WIPI2: variants seen among roughly 807,000 people sequenced by gnomAD.
WIPI2 encodes WD repeat domain, phosphoinositide interacting 2.
WIPI2 carries 28 observed loss-of-function variants against 52.3 expected under a neutral mutation model. The observed-to-expected ratio is 0.54, with a 90% CI of 0.40 to 0.73. WIPI2 has a LOEUF of 0.73. Ranked by LOEUF, WIPI2 falls within the 30% of genes least tolerant of loss-of-function variation. The pLI, the probability that WIPI2 is intolerant of heterozygous loss-of-function variation, is 0.00. For synonymous variants in WIPI2, 268 were observed against 245.0 expected (o/e 1.09, Z -0.88); for missense variants, 506 against 602.9 (o/e 0.84, Z 1.68).
chr7:5,202,718 G>C (rs1782089566), intron 3 of WIPI2, among the ~76,000 whole-genome samples: 1 of 152,152 alleles, frequency 6.6e-6, no homozygotes, highest in Admixed American at 6.5e-5. Flanking sequence ...TTACAGGCGT[G>C]AGCCACCGCG....
chr7:5,231,989 T>C lies in WIPI2; in HGVS notation c.*1042T>C. ...TTAGAAAATTTCCTCAGCAAACCGA[T>C]GAGAGATTGTGGTTGCAAGCTTCAG... On this transcript the variant is annotated 3_prime_UTR_variant, in exon 13 of 13. Coordinates refer to ENST00000288828, the MANE Select transcript of WIPI2 (RefSeq NM_015610.4). 1 of 393,828 alleles carries C rather than the reference T, an allele frequency of 2.5e-6. No homozygotes were observed. Among genetic ancestry groups the C allele is most frequent in the Non-Finnish European group, 4.5e-6 (1 of 223,822 alleles). 24.4% of individuals were successfully genotyped at this position (393,828 alleles called of 1,614,324 possible). A position where few individuals can be genotyped will look rare whatever the true frequency, so the allele number is the denominator to read the frequency against.
chr7:5,216,659 G>C lies in WIPI2; in HGVS notation c.478G>C (p.Gly160Arg). The change falls in exon 5 of 13, where the codon GGC (glycine) becomes CGC (arginine). Residue 160 changes from glycine (G) to arginine (R), a missense_variant and splice_region_variant. Gly to Arg is a moderately radical substitution (Grantham distance 125). Coordinates refer to ENST00000288828, the MANE Select transcript of WIPI2 (RefSeq NM_015610.4). ...TIRETPPNPA[G>R]LCALSINNDN... ...CAGGGAGACGCCTCCAAACCCTGCA[G>C]GTGAGCTAACTTGTGAGGAGAGAAT... 6.2e-7 allele frequency: 1 copy of C among 1,614,072 alleles called. No homozygotes were observed. Among genetic ancestry groups the C allele is most frequent in the Non-Finnish European group, 8.5e-7 (1 of 1,179,932 alleles).
intron 4 of WIPI2, among the ~76,000 whole-genome samples, chr7:5,215,251 C>A (rs907437428): frequency 9.9e-6 from 1 of 101,328 alleles, no homozygotes; most frequent in Non-Finnish European, 2.0e-5. Flanking sequence ...TCGGAAGTTG[C>A]AGTGAGCCAA....
In WIPI2 at chr7:5,190,537, C is replaced by T. The variant is rs753906784; in HGVS notation, c.74+44C>T. 3.1e-5 allele frequency: 44 copies of T among 1,435,110 alleles called. 1 individual carries two copies. In the Middle Eastern group the frequency reaches 1.3e-3, roughly 41 times the overall value. 88.9% of individuals were successfully genotyped at this position (1,435,110 alleles called of 1,614,324 possible). On this transcript the variant is annotated intron_variant, in intron 1 of 12. Transcript: ENST00000288828. ...GTCGGAGTCGGGGTGAGGCCAGGGT[C>T]GGACCCGGGCTAGGGGGAGGGCCTC...
chr7:5,217,606 C>G, intron 6 of WIPI2: 1 of 427,674 alleles, frequency 2.3e-6, no homozygotes, highest in Non-Finnish European at 4.4e-6. Flanking sequence ...CCACTGCTCT[C>G]TTCTCAGTAG....
At chr7:5,204,886 G>A (rs1782215388) in intron 3 of WIPI2, among the ~76,000 whole-genome samples, 1 of 152,172 alleles carries the variant, frequency 6.6e-6, no homozygotes, top group African/African-American at 2.4e-5. Context: ...GTGTTGCCAA[G>A]GCTGGTCTTG....
intron 5 of WIPI2, 146 bp downstream of exon 5, chr7:5,216,805 A>G (rs1343760552): frequency 5.1e-6 from 4 of 791,846 alleles, no homozygotes; most frequent in African/African-American, 1.7e-5. Flanking sequence ...CTGCCTTCCT[A>G]CTGATGCTGG....
chr7:5,201,960 G>C (rs199824212), intron 3 of WIPI2, among the ~76,000 whole-genome samples: 1 of 149,312 alleles, frequency 6.7e-6, no homozygotes, highest in African/African-American at 2.5e-5. Flanking sequence ...TTTTTTTTTA[G>C]TAGATAAGAG....
intron 7 of WIPI2, among the ~76,000 whole-genome samples, chr7:5,221,436 G>A (rs895837555): frequency 6.6e-6 from 1 of 152,126 alleles, no homozygotes; most frequent in South Asian, 2.1e-4. Context: ...TGTATAGTAG[G>A]AGGGTGAATG....
chr7:5,227,171 T>G lies in WIPI2; in HGVS notation c.849-9T>G. On this transcript the variant is annotated splice_polypyrimidine_tract_variant and intron_variant, in intron 9 of 12. Coordinates refer to ENST00000288828, the MANE Select transcript of WIPI2 (RefSeq NM_015610.4). The surrounding 1 kb of genome is among the most constrained non-coding windows in gnomAD (Gnocchi z 8.1). ...GCAGCTTCATGTGTCTGGTGGCCTT[T>G]CCTTCCAGACCCCCAGAGGAGCCCA... The G allele has an allele frequency of 6.2e-7, 1 of 1,613,656 alleles. No individual in the cohort carries two copies. The highest frequency in any genetic ancestry group is 8.5e-7 in the Non-Finnish European group (1 of 1,179,956).
At chr7:5,214,177 G>A in intron 3 of WIPI2, 1 of 998,428 alleles carries the variant, frequency 1.0e-6, no homozygotes, top group Non-Finnish European at 1.3e-6. Flanking sequence ...CAGTTTCGTA[G>A]TAGTTTGTGT....
chr7:5,207,066 C>G (rs1034547663), intron 3 of WIPI2, among the ~76,000 whole-genome samples: 1 of 149,978 alleles, frequency 6.7e-6, no homozygotes, highest in Non-Finnish European at 1.5e-5. Context: ...AACCACCACA[C>G]CTGGCTTTAT....
intron 4 of WIPI2, 100 bp from the exon 5 acceptor site, chr7:5,216,463 A>T (rs1782817688): frequency 1.1e-6 from 1 of 908,440 alleles, no homozygotes; most frequent in Admixed American, 2.1e-5. Context: ...CAATAGAAGG[A>T]ATGAGAGCGT....
Position 5,230,858 on chromosome 7 carries a change from G to A in WIPI2, c.1276G>A (p.Val426Met). 1 of 1,613,848 alleles carries A rather than the reference G, an allele frequency of 6.2e-7. No homozygotes were observed. Among genetic ancestry groups the A allele is most frequent in the Non-Finnish European group, 8.5e-7 (1 of 1,179,896 alleles). Residue 426 changes from valine (V) to methionine (M), a missense_variant, in exon 13 of 13, where the codon GTG becomes ATG. Val to Met is a conservative substitution (Grantham distance 21, BLOSUM62 1). This residue lies in a region of WIPI2 where 194 missense variants were observed against 175.1 expected (regional missense o/e 1.11). Transcript: ENST00000288828. The surrounding 1 kb of genome is among the most constrained non-coding windows in gnomAD (Gnocchi z 4.8). ...RLAYTDDLGAVGGACLEDEAS... is the reference protein window; with the variant it reads ...RLAYTDDLGAMGGACLEDEAS... ...AGCCTACACAGACGACCTGGGTGCTGTGGGTGGCGCCTGCCTGGAGGACGA... is the reference window on the plus strand; with the variant it reads ...AGCCTACACAGACGACCTGGGTGCTATGGGTGGCGCCTGCCTGGAGGACGA...
chr7:5,227,312 C>G lies in WIPI2; in HGVS notation c.981C>G (p.Phe327Leu), dbSNP rs773023213. ...GRAFATVRLP[F>L]CGHKNICSLA... is the part of the protein sequence containing the mutation. ...CCTTCGCCACGGTCCGCCTGCCATT[C>G]TGCGGCCACAAAAACATCTGCTCGC... The change falls in exon 10 of 13, where the codon TTC becomes TTG. Residue 327 changes from phenylalanine (F) to leucine (L), a missense_variant. Around this residue, in one of 4 missense-constraint regions of WIPI2, gnomAD observed 237 missense variants for 346.9 expected, o/e 0.68. Coordinates refer to ENST00000288828, the MANE Select transcript of WIPI2 (RefSeq NM_015610.4). This position sits in a 1 kb window ranked among gnomAD's most constrained non-coding sequence, Gnocchi z 8.1. The G allele has an allele frequency of 1.1e-5, 18 of 1,613,732 alleles. No homozygotes were observed. The highest frequency in any genetic ancestry group is 1.4e-5 in the Non-Finnish European group (17 of 1,180,042).
In WIPI2 at chr7:5,222,785, C is replaced by G; in HGVS notation, c.740+113C>G. ...CCAGGAGAATTCCACACGAGCATTT[C>G]TAGCCCGGCTGGGTCACCGGGTAAG... On this transcript the variant is annotated intron_variant, in intron 8 of 12. Transcript: ENST00000288828. The G allele has an allele frequency of 7.5e-6, 8 of 1,064,194 alleles. No homozygotes were observed. In the South Asian group the frequency reaches 1.1e-4, roughly 15 times the overall value. The allele number at this position is 1,064,194 out of a possible 1,614,324, so 65.9% of individuals were successfully genotyped here.
rs1004662615 is a variant in WIPI2 at position 5,230,996 on chromosome 7, A to G, written c.*49A>G. The G allele has an allele frequency of 6.5e-7, 1 of 1,536,772 alleles. No individual in the cohort carries two copies. The highest frequency in any genetic ancestry group is 1.2e-5 in the South Asian group (1 of 84,474). On this transcript the variant is annotated 3_prime_UTR_variant, in exon 13 of 13. Coordinates refer to ENST00000288828, the MANE Select transcript of WIPI2 (RefSeq NM_015610.4). The surrounding 1 kb of genome is among the most constrained non-coding windows in gnomAD (Gnocchi z 4.8). Reference sequence around the variant, plus strand: ...GGGGAGCAGAGAACACTGGCTTCACAGAGGACTTTGTGCATTGCTGCTATG... The same window carrying G: ...GGGGAGCAGAGAACACTGGCTTCACGGAGGACTTTGTGCATTGCTGCTATG...
intron 4 of WIPI2, among the ~76,000 whole-genome samples, chr7:5,215,293 A>G (rs1053739519): frequency 2.6e-5 from 4 of 152,226 alleles, no homozygotes; most frequent in African/African-American, 4.8e-5. Context: ...CTTGGGCAAC[A>G]AGAGTGAGAC....
intron 2 of WIPI2, among the ~76,000 whole-genome samples, chr7:5,196,771 A>G (rs183236337): frequency 6.6e-6 from 1 of 152,270 alleles, no homozygotes; most frequent in African/African-American, 2.4e-5. Context: ...CACGAGGAAA[A>G]GTGACAACTG....
Sources: gnomAD v4.1 joint callset for allele counts (sites outside exome capture counted in the v4.1 genomes callset) on GRCh38, gnomAD v4.1.1 for gene constraint, gnomAD v4.1.1 regional missense constraint, Gnocchi (gnomAD v3.1) non-coding constraint, MANE v1.5 for transcripts, NCBI Gene and HGNC (gene_info 2026-07-23, HGNC 2026-07-21) for gene names.